GABRB3: variants seen among roughly 807,000 people sequenced by gnomAD.
GABRB3 encodes gamma-aminobutyric acid receptor subunit beta-3.
A neutral mutation model predicts 52.1 loss-of-function variants in GABRB3; 14 were observed. That is an observed-to-expected ratio of 0.27 (90% CI 0.18 to 0.42). GABRB3 has a LOEUF of 0.42. Among genes scored for constraint, GABRB3 ranks in the 10% least tolerant of loss-of-function variants. The probability of loss-of-function intolerance (pLI) is 1.00; values close to 1 mark genes in which losing one functional copy is unlikely to be tolerated. For synonymous variants in GABRB3, 260 were observed against 232.3 expected (o/e 1.12, Z -1.08); for missense variants, 307 against 609.1 (o/e 0.50, Z 5.22).
intron 4 of GABRB3, among the ~76,000 whole-genome samples, chr15:26,609,719 G>A (rs956998747): frequency 7.2e-5 from 11 of 152,152 alleles, no homozygotes; most frequent in Non-Finnish European, 1.3e-4. Context: ...TGAAGAGCAT[G>A]GTGAATATAG....
intron 3 of GABRB3, among the ~76,000 whole-genome samples, chr15:26,703,157 A>C (rs1380167103): frequency 6.6e-6 from 1 of 152,226 alleles, no homozygotes; most frequent in Non-Finnish European, 1.5e-5. Flanking sequence ...TTGTACTGCC[A>C]TAACAGAATG....
chr15:26,773,612 T>G (rs749045715), upstream of GABRB3: 5 of 1,529,188 alleles, frequency 3.3e-6, no homozygotes, highest in South Asian at 3.6e-5. Context: ...CTCCCGACGG[T>G]GCCTGCAGAA....
intron 3 of GABRB3, among the ~76,000 whole-genome samples, chr15:26,660,821 A>C (rs1887517933): frequency 6.6e-6 from 1 of 152,216 alleles, no homozygotes; most frequent in African/African-American, 2.4e-5. Context: ...ATGAATTATA[A>C]AGATATTTGT....
chr15:26,605,359 C>A (rs921315945), intron 4 of GABRB3, among the ~76,000 whole-genome samples: 2 of 152,062 alleles, frequency 1.3e-5, no homozygotes, highest in Non-Finnish European at 2.9e-5. Flanking sequence ...TTGGAGGTGC[C>A]TCAAAAAACT....
At chr15:26,752,577 A>C (rs1051921588) in intron 3 of GABRB3, among the ~76,000 whole-genome samples, 1 of 152,058 alleles carries the variant, frequency 6.6e-6, no homozygotes, top group African/African-American at 2.4e-5. Context: ...TCCTTTAATA[A>C]GTGTTTTTTC....
chr15:26,662,711 C>T (rs575526429), intron 3 of GABRB3, among the ~76,000 whole-genome samples: 1 of 152,214 alleles, frequency 6.6e-6, no homozygotes, highest in African/African-American at 2.4e-5. Flanking sequence ...CACAGGCGTA[C>T]CTTTCAGGGC....
At chr15:26,662,571 A>T (rs1407545548) in intron 3 of GABRB3, among the ~76,000 whole-genome samples, 1 of 152,228 alleles carries the variant, frequency 6.6e-6, no homozygotes, top group Non-Finnish European at 1.5e-5. Context: ...GCTCCATGCC[A>T]CGGTGCCTCT....
intron 3 of GABRB3, among the ~76,000 whole-genome samples, chr15:26,698,451 A>C (rs897371272): frequency 6.6e-6 from 1 of 152,288 alleles, no homozygotes; most frequent in East Asian, 1.9e-4. Context: ...TCACAATTAT[A>C]TACACATTTA....
chr15:26,768,274 G>A (rs1320916645), intron 3 of GABRB3, among the ~76,000 whole-genome samples: 4 of 152,058 alleles, frequency 2.6e-5, no homozygotes, highest in Non-Finnish European at 5.9e-5. Flanking sequence ...AAGTAATAGC[G>A]AAGTGCAAGT....
At chr15:26,672,901 T>G (rs1887943127) in intron 3 of GABRB3, among the ~76,000 whole-genome samples, 2 of 152,314 alleles carry the variant, frequency 1.3e-5, no homozygotes, top group South Asian at 4.1e-4. Flanking sequence ...GTAGGCCTGT[T>G]GGGGTTGAAT....
At chr15:26,645,148 G>A (rs148450478) in intron 3 of GABRB3, among the ~76,000 whole-genome samples, 2 of 152,196 alleles carry the variant, frequency 1.3e-5, no homozygotes, top group East Asian at 1.9e-4. Flanking sequence ...AGGCTGAGGC[G>A]GGAAGGGTGC....
intron 4 of GABRB3, among the ~76,000 whole-genome samples, chr15:26,592,439 A>C (rs1291774395): frequency 6.6e-6 from 1 of 152,232 alleles, no homozygotes; most frequent in African/African-American, 2.4e-5. Context: ...ATGAAAAGCA[A>C]TGGAAGCATA....
intron 3 of GABRB3, among the ~76,000 whole-genome samples, chr15:26,757,304 C>G (rs1030046451): frequency 6.6e-6 from 1 of 152,152 alleles, no homozygotes; most frequent in African/African-American, 2.4e-5. Flanking sequence ...CCTGCAACCA[C>G]GGCCCAACAG....
At chr15:26,565,992 G>C (rs1227453849) in intron 7 of GABRB3, among the ~76,000 whole-genome samples, 1 of 152,190 alleles carries the variant, frequency 6.6e-6, no homozygotes, top group Non-Finnish European at 1.5e-5. Flanking sequence ...CTCTACAAAT[G>C]TATCTTTGAA....
At chr15:26,749,273 T>G (rs1890435806) in intron 3 of GABRB3, among the ~76,000 whole-genome samples, 1 of 152,188 alleles carries the variant, frequency 6.6e-6, no homozygotes, top group South Asian at 2.1e-4. Context: ...GACTTTCTCT[T>G]AGACTTATGG....
intron 3 of GABRB3, among the ~76,000 whole-genome samples, chr15:26,681,057 C>A (rs1888224478): frequency 6.6e-6 from 1 of 152,164 alleles, no homozygotes; most frequent in African/African-American, 2.4e-5. Context: ...GGCCTGATTT[C>A]AAATCTCTTC....
At chr15:26,720,114 GC>G (rs1162055090) in intron 3 of GABRB3, among the ~76,000 whole-genome samples, 1 of 151,774 alleles carries the variant, frequency 6.6e-6, no homozygotes, top group African/African-American at 2.4e-5. Context: ...GGCTCAAAAA[GC>G]TCCCCCACTG....
chr15:26,633,501 C>T (rs1361503242), intron 3 of GABRB3, among the ~76,000 whole-genome samples: 1 of 152,124 alleles, frequency 6.6e-6, no homozygotes, highest in East Asian at 1.9e-4. Flanking sequence ...GCCTTGTTTC[C>T]ACCTGAATTG....
At chr15:26,626,162 G>A (rs1276834516) in intron 3 of GABRB3, among the ~76,000 whole-genome samples, 1 of 152,110 alleles carries the variant, frequency 6.6e-6, no homozygotes, top group South Asian at 2.1e-4. Flanking sequence ...CCTATAATCA[G>A]TGATATTTGA....
Sources: allele counts gnomAD v4.1 joint callset (sites outside exome capture counted in the v4.1 genomes callset), GRCh38; gene constraint gnomAD v4.1.1; transcripts MANE v1.5; gene names NCBI Gene and HGNC (gene_info 2026-07-23, HGNC 2026-07-21).